Variants in EP400 observed in about 807,000 individuals in gnomAD.
EP400 encodes E1A binding protein p400.
In EP400, 105 loss-of-function variants were observed where a neutral mutation model predicts 354.1. The ratio of observed to expected loss-of-function variants is 0.30; its 90% CI spans 0.25 to 0.35. EP400 has a LOEUF of 0.35. Among genes scored for constraint, EP400 ranks in the 10% least tolerant of loss-of-function variants. EP400 has a pLI of 1.00. For synonymous variants in EP400, 1,646 were observed against 1,716.9 expected, an observed-to-expected ratio of 0.96 and a Z score of 1.02; for missense variants, 3,280 against 4,121.0, an observed-to-expected ratio of 0.80 and a Z score of 5.59.
chr12:131,977,205 C>T (rs547990708), intron 2 of EP400, among the ~76,000 whole-genome samples: 4 of 152,240 alleles, frequency 2.6e-5, no homozygotes, highest in East Asian at 1.9e-4. Context: ...AGTGCAGTCT[C>T]GGCTCACTGC....
chr12:132,013,349 G>C lies in EP400; in HGVS notation c.3612-141G>C. On this transcript the variant is annotated intron_variant, in intron 17 of 52. Transcript: ENST00000389561. The surrounding 1 kb of genome is among the most constrained non-coding windows in gnomAD (Gnocchi z 4.5). ...AGAGCCCCAGAGCTGGGTCAGTGCA[G>C]CCCCCCTTTTCAGGCATGTGCACGT... 2.2e-6 allele frequency: 3 copies of C among 1,390,072 alleles called. No homozygotes were observed. The highest frequency in any genetic ancestry group is 2.9e-6 in the Non-Finnish European group (3 of 1,034,370). 86.1% of individuals were successfully genotyped at this position (1,390,072 alleles called of 1,614,324 possible).
intron 5 of EP400, 122 bp downstream of exon 5, chr12:131,982,600 C>G (rs1197885957): frequency 7.9e-7 from 1 of 1,262,792 alleles, no homozygotes; most frequent in African/African-American, 1.5e-5. Context: ...GCTTGCTCCC[C>G]CAATTTAGAA....
At position 131,990,235 on chromosome 12, in the gene EP400, C is replaced by T; in HGVS notation, c.2550+131C>T. The T allele has an allele frequency of 9.3e-7, 1 of 1,079,926 alleles. No homozygotes were observed. Among genetic ancestry groups the T allele is most frequent in the Non-Finnish European group, 1.3e-6 (1 of 756,412 alleles). 66.9% of individuals were successfully genotyped at this position (1,079,926 alleles called of 1,614,324 possible). A position where few individuals can be genotyped will look rare whatever the true frequency, so the allele number is the denominator to read the frequency against. ...CACCAGAGTCAGCAACGTGTGCACT[C>T]TCCTGGGCTGTTGCTTGTTGGCCTT... On this transcript the variant is annotated intron_variant, in intron 8 of 52. Coordinates refer to ENST00000389561, the MANE Select transcript of EP400 (RefSeq NM_015409.5). This position sits in a 1 kb window ranked among gnomAD's most constrained non-coding sequence, Gnocchi z 4.2.
intron 2 of EP400, among the ~76,000 whole-genome samples, chr12:131,976,621 A>G (rs774711985): frequency 1.3e-5 from 2 of 152,146 alleles, no homozygotes; most frequent in Non-Finnish European, 2.9e-5. Context: ...GAGGCAGGAG[A>G]ATCGCTTGAA....
intron 29 of EP400, chr12:132,031,442 G>T (rs1050653761): frequency 1.4e-5 from 7 of 506,720 alleles, no homozygotes; most frequent in Non-Finnish European, 2.8e-5. Flanking sequence ...TGTTGGCGAT[G>T]GGTGAGCGTA....
chr12:132,051,779 G>T (rs1203598062), intron 41 of EP400, among the ~76,000 whole-genome samples: 1 of 152,078 alleles, frequency 6.6e-6, no homozygotes, highest in East Asian at 1.9e-4. Flanking sequence ...TCCACAAGAG[G>T]TGGAGGAGTA....
At chr12:132,042,588 G>A (rs1004429471) in intron 32 of EP400, among the ~76,000 whole-genome samples, 1 of 152,196 alleles carries the variant, frequency 6.6e-6, no homozygotes, top group Non-Finnish European at 1.5e-5. Flanking sequence ...TGTCAAAGTA[G>A]TGTTATATCA....
At position 132,029,896 on chromosome 12, in the gene EP400, C is replaced by T. The variant is rs924374250; in HGVS notation, c.5577C>T (p.Phe1859=). The part of the protein sequence containing the change: ...LQFPELRLVQ[F]DSGKLEALAI... ...TCCCTGAGCTGAGGCTGGTGCAGTT[C>T]GACTCAGGTATGCGGCAGTTGGGGG... Residue 1859 remains phenylalanine (F), a synonymous_variant, in exon 28 of 53, where the codon TTC becomes TTT. Transcript: ENST00000389561. The surrounding 1 kb of genome is among the most constrained non-coding windows in gnomAD (Gnocchi z 4.7). 7 of 1,612,130 alleles carry T rather than the reference C, an allele frequency of 4.3e-6. No individual in the cohort carries two copies. Among genetic ancestry groups the T allele is most frequent in the South Asian group, 1.1e-5 (1 of 91,076 alleles).
At chr12:132,051,076 T>C (rs988509278) in intron 41 of EP400, 1 of 265,336 alleles carries the variant, frequency 3.8e-6, no homozygotes, top group Admixed American at 5.0e-5. Context: ...AATGAATGAA[T>C]GGATGGGTAC....
At chr12:132,043,488 TAC>T in intron 33 of EP400, 26 bp downstream of exon 33, 1 of 1,600,228 alleles carries the variant, frequency 6.2e-7, no homozygotes, top group Non-Finnish European at 8.5e-7. Flanking sequence ...CCTTTACAAC[TAC>T]ATATTTTAAA....
intron 12 of EP400, among the ~76,000 whole-genome samples, chr12:132,000,053 A>T (rs938129358): frequency 1.3e-5 from 2 of 151,294 alleles, no homozygotes; most frequent in African/African-American, 4.9e-5. Flanking sequence ...TTCTTTTTTA[A>T]AAACATCTTT....
Position 132,066,890 on chromosome 12 carries a change from C to T in EP400, c.8670C>T (p.Val2890=). 6.2e-7 allele frequency: 1 copy of T among 1,613,686 alleles called. No homozygotes were observed. Among genetic ancestry groups the T allele is most frequent in the Non-Finnish European group, 8.5e-7 (1 of 1,179,878 alleles). ...TGGTGTCCGTCCCGGCAGCTGTGGTCTCCTCACCGGGAGTCACCACCCTGC... is the reference window on the plus strand; with the variant it reads ...TGGTGTCCGTCCCGGCAGCTGTGGTTTCCTCACCGGGAGTCACCACCCTGC... ...PPVVSVPAAV[V]SSPGVTTLPM... is the part of the protein sequence containing the mutation. The change falls in exon 49 of 53, where the codon GTC becomes GTT. Residue 2890 remains valine (V), a synonymous_variant. Transcript: ENST00000389561.
rs1895448236 is a variant in EP400, at chr12:132,055,302, C to G, written c.7884+94C>G. 4 of 1,050,884 alleles carry G rather than the reference C, an allele frequency of 3.8e-6. No individual in the cohort carries two copies. In the South Asian group the frequency reaches 6.7e-5, roughly 17 times the overall value. 65.1% of individuals were successfully genotyped at this position (1,050,884 alleles called of 1,614,324 possible). ...ATTCTTCTTCTTCTTTTTAAGTATT[C>G]CATTGGTGAAAAACTGTCTAGTTTG... On this transcript the variant is annotated intron_variant, in intron 45 of 52. Coordinates refer to ENST00000389561, the MANE Select transcript of EP400 (RefSeq NM_015409.5).
In EP400 at chr12:132,018,139, A is replaced by C; in HGVS notation, c.4111-71A>C. On this transcript the variant is annotated intron_variant, in intron 20 of 52. Coordinates refer to ENST00000389561, the MANE Select transcript of EP400 (RefSeq NM_015409.5). The surrounding 1 kb of genome is among the most constrained non-coding windows in gnomAD (Gnocchi z 4.0). ...GCCCACGTTAGGGCCCTGCCATAGA[A>C]ATCAGTTTTGATTCTTAGGTGCTTT... 1.3e-6 allele frequency: 2 copies of C among 1,585,898 alleles called. No individual in the cohort carries two copies. The highest frequency in any genetic ancestry group is 1.7e-6 in the Non-Finnish European group (2 of 1,169,246).
intron 21 of EP400, among the ~76,000 whole-genome samples, chr12:132,019,363 G>A (rs573183324): frequency 7.2e-5 from 11 of 152,296 alleles, no homozygotes; most frequent in African/African-American, 9.6e-5. Flanking sequence ...TTTGATGGCC[G>A]TCTCTGCCTG....
In EP400 at chr12:132,075,443, A is replaced by G. The variant is rs896488414; in HGVS notation, c.9022-1073A>G. Among the ~76,000 whole-genome samples, 4 of 152,114 alleles carry G rather than the reference A, an allele frequency of 2.6e-5. No individual in the cohort carries two copies. The highest frequency in any genetic ancestry group is 5.9e-5 in the Non-Finnish European group (4 of 68,028). ...CTTGGTACATTTAAGATTTCTTGCT[A>G]GTGCTTTATTTAAGACGTCTCAGGA... On this transcript the variant is annotated intron_variant, in intron 51 of 52. Transcript: ENST00000389561. The surrounding 1 kb of genome is among the most constrained non-coding windows in gnomAD (Gnocchi z 4.5).
At chr12:132,056,425 G>GCA (rs10660680) in intron 45 of EP400, among the ~76,000 whole-genome samples, 1,730 of 148,532 alleles carry the variant, frequency 0.012, 18 homozygotes, top group East Asian at 0.048. Flanking sequence ...CACAACACAC[G>GCA]CACACACACA....
chr12:132,067,097 T>C lies in EP400; in HGVS notation c.8749+128T>C. ...ACCCACTTGAGCGTGCCATCACGTG[T>C]TCTAGCACAAACGTGCCTTGGCGCT... On this transcript the variant is annotated intron_variant, in intron 49 of 52. Coordinates refer to ENST00000389561, the MANE Select transcript of EP400 (RefSeq NM_015409.5). This position sits in a 1 kb window ranked among gnomAD's most constrained non-coding sequence, Gnocchi z 5.3. The C allele has an allele frequency of 7.8e-7, 1 of 1,280,614 alleles. No homozygotes were observed. The highest frequency in any genetic ancestry group is 1.0e-6 in the Non-Finnish European group (1 of 959,846). 79.3% of individuals were successfully genotyped at this position (1,280,614 alleles called of 1,614,324 possible). A position where few individuals can be genotyped will look rare whatever the true frequency, so the allele number is the denominator to read the frequency against.
intron 1 of EP400, 138 bp from the exon 2 acceptor site, chr12:131,960,447 A>G: frequency 2.3e-6 from 2 of 885,402 alleles, no homozygotes; most frequent in Non-Finnish European, 3.4e-6. Context: ...GCTGTGCCAT[A>G]TTGAATGTGA....
Sources: gnomAD v4.1 joint callset for allele counts (sites outside exome capture counted in the v4.1 genomes callset) on GRCh38, gnomAD v4.1.1 for gene constraint, Gnocchi (gnomAD v3.1) non-coding constraint, MANE v1.5 for transcripts, NCBI Gene and HGNC (gene_info 2026-07-23, HGNC 2026-07-21) for gene names.